The following CNTNAP5 variants were observed in gnomAD, a reference collection of about 807,000 sequenced individuals.
CNTNAP5 encodes contactin associated protein family member 5, also known as contactin-associated protein-like 5.
Under a neutral mutation model 150.2 loss-of-function variants are expected in CNTNAP5, and 72 were observed. The ratio of observed to expected loss-of-function variants is 0.48; its 90% CI spans 0.40 to 0.58. The LOEUF (loss-of-function observed/expected upper bound fraction) is 0.58. Among genes scored for constraint, CNTNAP5 ranks in the 20% least tolerant of loss-of-function variants. CNTNAP5 has a pLI of 0.00. For synonymous variants in CNTNAP5, 672 were observed against 619.8 expected (o/e 1.08, Z -1.25); for missense variants, 1,636 against 1,626.2 (o/e 1.01, Z -0.10).
At chr2:124,553,153 G>C (rs1362170977) in intron 10 of CNTNAP5, among the ~76,000 whole-genome samples, 1 of 152,158 alleles carries the variant, frequency 6.6e-6, no homozygotes, top group Admixed American at 6.6e-5. Flanking sequence ...TGCATGAGCA[G>C]AAAGTATTAT....
intron 4 of CNTNAP5, among the ~76,000 whole-genome samples, chr2:124,427,000 A>C (rs1692253729): frequency 6.6e-6 from 1 of 152,180 alleles, no homozygotes; most frequent in African/African-American, 2.4e-5. Context: ...AAGACTGCCA[A>C]TGTATCAGCA....
chr2:124,532,364 G>C (rs929226730), intron 10 of CNTNAP5, among the ~76,000 whole-genome samples: 1 of 152,138 alleles, frequency 6.6e-6, no homozygotes, highest in Non-Finnish European at 1.5e-5. Context: ...GTCTAGCAGG[G>C]TCTGAGTGGA....
chr2:124,253,040 CTTAAA>C (rs1232803679), intron 3 of CNTNAP5, among the ~76,000 whole-genome samples: 1 of 151,342 alleles, frequency 6.6e-6, no homozygotes, highest in Non-Finnish European at 1.5e-5. Context: ...TATTTACATA[CTTAAA>C]TTATATGTTT....
chr2:124,297,810 T>TTTTATTATTA (rs769649857), intron 3 of CNTNAP5, among the ~76,000 whole-genome samples: 1 of 126,390 alleles, frequency 7.9e-6, no homozygotes, highest in African/African-American at 2.8e-5. Flanking sequence ...CATCCAATTA[T>TTTTATTATTA]TTATTATTAT....
At chr2:124,698,659 C>T (rs1197066001) in intron 13 of CNTNAP5, among the ~76,000 whole-genome samples, 2 of 152,118 alleles carry the variant, frequency 1.3e-5, no homozygotes, top group Non-Finnish European at 2.9e-5. Flanking sequence ...TTCTGCTCAT[C>T]ATGGTCGACA....
At chr2:124,905,098 T>C (rs1037809203) in intron 22 of CNTNAP5, among the ~76,000 whole-genome samples, 5 of 141,998 alleles carry the variant, frequency 3.5e-5, no homozygotes, top group Non-Finnish European at 4.6e-5. Context: ...AGGCAAAGGA[T>C]GTGAATAGTT....
intron 12 of CNTNAP5, among the ~76,000 whole-genome samples, chr2:124,621,416 G>T (rs554234860): frequency 6.6e-6 from 1 of 152,212 alleles, no homozygotes; most frequent in Non-Finnish European, 1.5e-5. Flanking sequence ...TAATCCATTT[G>T]CAAACCAACT....
At chr2:124,760,522 G>A (rs574801266) in intron 14 of CNTNAP5, among the ~76,000 whole-genome samples, 1 of 151,984 alleles carries the variant, frequency 6.6e-6, no homozygotes, top group South Asian at 2.1e-4. Flanking sequence ...TTTAAACTTA[G>A]AGAAGACCAC....
At chr2:124,184,621 G>A (rs1217613100) in intron 1 of CNTNAP5, among the ~76,000 whole-genome samples, 2 of 152,144 alleles carry the variant, frequency 1.3e-5, no homozygotes, top group Non-Finnish European at 2.9e-5. Context: ...GCCGATTCAA[G>A]GGACAACCTA....
intron 1 of CNTNAP5, among the ~76,000 whole-genome samples, chr2:124,149,628 T>C (rs1355435598): frequency 2.0e-5 from 3 of 152,070 alleles, no homozygotes; most frequent in African/African-American, 7.2e-5. Context: ...CAGACTAAAC[T>C]CTTTTGTAAA....
intron 6 of CNTNAP5, among the ~76,000 whole-genome samples, chr2:124,471,183 T>G (rs756415059): frequency 7.9e-5 from 12 of 152,228 alleles, no homozygotes; most frequent in Admixed American, 2.0e-4. Context: ...TTTCACAATA[T>G]TGATTCTCCG....
At chr2:124,394,985 A>G (rs539195311) in intron 3 of CNTNAP5, among the ~76,000 whole-genome samples, 1 of 152,208 alleles carries the variant, frequency 6.6e-6, no homozygotes, top group South Asian at 2.1e-4. Context: ...ATCTTATCCT[A>G]TGACAAATGC....
rs372281264 is a variant in CNTNAP5, at chr2:124,289,634, C to A, written c.381+47241C>A. ...TTCATTGCATAGCCAGACAGAGGAC[C>A]AGGCCTTCAATGTATATTTTTTAAA... On this transcript the variant is annotated intron_variant, in intron 3 of 23. Coordinates refer to ENST00000682447, the MANE Select transcript of CNTNAP5 (RefSeq NM_001367498.1). 1.9e-3 allele frequency among the ~76,000 whole-genome samples: 285 copies of A among 152,248 alleles called. 2 individuals carry two copies. Among genetic ancestry groups the A allele is most frequent in the African/African-American group, 6.5e-3 (268 of 41,544 alleles).
At chr2:124,489,023 A>T (rs1693957561) in intron 7 of CNTNAP5, among the ~76,000 whole-genome samples, 1 of 152,162 alleles carries the variant, frequency 6.6e-6, no homozygotes, top group African/African-American at 2.4e-5. Flanking sequence ...TCTCCAGTCA[A>T]TTGGGCCACT....
chr2:124,746,604 G>A (rs982187014), intron 13 of CNTNAP5, among the ~76,000 whole-genome samples: 1 of 152,064 alleles, frequency 6.6e-6, no homozygotes, highest in African/African-American at 2.4e-5. Flanking sequence ...TATCCTGAGA[G>A]AAATCAATGG....
chr2:124,500,060 A>T (rs1291151769), intron 7 of CNTNAP5, among the ~76,000 whole-genome samples: 1 of 152,058 alleles, frequency 6.6e-6, no homozygotes, highest in Admixed American at 6.6e-5. Context: ...GAAGGAAAAA[A>T]AAAAGTACAA....
chr2:124,421,830 G>A (rs536985189), intron 4 of CNTNAP5, among the ~76,000 whole-genome samples: 3 of 152,230 alleles, frequency 2.0e-5, no homozygotes, highest in East Asian at 1.9e-4. Flanking sequence ...AAGTCCCCCC[G>A]ACTGTTCCTC....
chr2:124,380,255 TAGA>T lies in CNTNAP5; in HGVS notation c.382-37186_382-37184del, dbSNP rs35962951. Among the ~76,000 whole-genome samples, 1,495 of 152,248 alleles carry T rather than the reference TAGA, an allele frequency of 9.8e-3. 67 individuals carry two copies. The highest frequency in any genetic ancestry group is 0.075 in the Admixed American group (1,148 of 15,286). On this transcript the variant is annotated intron_variant, in intron 3 of 23. Transcript: ENST00000682447. ...CCATTTATTTTTAAAAGCCATCTTA[TAGA>T]ATAAGAAAACTGAGAATTTCCATGA...
At chr2:124,726,641 C>A (rs939862207) in intron 13 of CNTNAP5, among the ~76,000 whole-genome samples, 2 of 150,936 alleles carry the variant, frequency 1.3e-5, no homozygotes, top group Non-Finnish European at 3.0e-5. Context: ...ACGTCTTCTT[C>A]AAAAAAAAGT....
Sources: allele counts gnomAD v4.1 joint callset (sites outside exome capture counted in the v4.1 genomes callset), GRCh38; gene constraint gnomAD v4.1.1; transcripts MANE v1.5; gene names NCBI Gene and HGNC (gene_info 2026-07-23, HGNC 2026-07-21).